CCSER2: variants seen among roughly 807,000 people sequenced by gnomAD.
CCSER2 encodes coiled-coil serine rich protein 2, also known as serine-rich coiled-coil domain-containing protein 2.
Under a neutral mutation model 92.3 loss-of-function variants are expected in CCSER2, and 46 were observed. That is an observed-to-expected ratio of 0.50 (90% CI 0.39 to 0.64). The LOEUF (loss-of-function observed/expected upper bound fraction) is 0.64. Ranked by LOEUF, CCSER2 falls within the 30% of genes least tolerant of loss-of-function variation. The pLI is 0.00. For missense variants in CCSER2, 1,244 were observed against 1,238.9 expected (o/e 1.00, Z -0.06); for synonymous variants, 433 against 431.4 (o/e 1.00, Z -0.04).
intron 3 of CCSER2, among the ~76,000 whole-genome samples, chr10:84,377,230 A>C (rs998142242): frequency 6.6e-6 from 1 of 152,092 alleles, no homozygotes; most frequent in Non-Finnish European, 1.5e-5. Flanking sequence ...TACCGTTACC[A>C]CTTTTTAAAA....
chr10:84,413,334 T>A (rs1398032306), intron 3 of CCSER2, among the ~76,000 whole-genome samples: 1 of 152,170 alleles, frequency 6.6e-6, no homozygotes, highest in Non-Finnish European at 1.5e-5. Context: ...ATCCCAGAGA[T>A]GGTGGTATGT....
intron 3 of CCSER2, among the ~76,000 whole-genome samples, chr10:84,394,210 A>G (rs1322636502): frequency 1.3e-5 from 2 of 152,204 alleles, no homozygotes; most frequent in African/African-American, 4.8e-5. Context: ...TTGAGCTTCT[A>G]CTATGCTCCA....
chr10:84,413,440 A>G (rs993913534), intron 3 of CCSER2, among the ~76,000 whole-genome samples: 1 of 152,158 alleles, frequency 6.6e-6, no homozygotes, highest in African/African-American at 2.4e-5. Flanking sequence ...TTCAGTTTCC[A>G]TGTAGTTGTG....
chr10:84,366,772 C>T (rs1845797476), intron 1 of CCSER2, among the ~76,000 whole-genome samples: 1 of 152,096 alleles, frequency 6.6e-6, no homozygotes, highest in East Asian at 1.9e-4. Context: ...TTTTGTTGTT[C>T]CTAGTCTCAC....
Position 84,372,327 on chromosome 10 carries a change from C to T in CCSER2, c.1275C>T (p.Asn425=), listed in dbSNP as rs200151214. Reference sequence around the variant, plus strand: ...ATTTTATAGATATAGAAGACTCCAACAGAACTAGAATAACTCCAGAGGAAA... The same window carrying T: ...ATTTTATAGATATAGAAGACTCCAATAGAACTAGAATAACTCCAGAGGAAA... The part of the protein sequence containing the change: ...SDDFIDIEDS[N]RTRITPEEMS... The change falls in exon 2 of 10, where the codon AAC becomes AAT. Residue 425 remains asparagine, a synonymous_variant. Coordinates refer to ENST00000372088, the MANE Select transcript of CCSER2 (RefSeq NM_001284240.2). 6.2e-7 allele frequency: 1 copy of T among 1,611,992 alleles called. No individual in the cohort carries two copies. Among genetic ancestry groups the T allele is most frequent in the East Asian group, 2.2e-5 (1 of 44,830 alleles).
At chr10:84,499,366 C>T (rs999656534) in intron 9 of CCSER2, among the ~76,000 whole-genome samples, 2 of 152,148 alleles carry the variant, frequency 1.3e-5, no homozygotes, top group Non-Finnish European at 2.9e-5. Context: ...CAACTCCTGA[C>T]CTCGTGATCC....
chr10:84,462,358 G>A (rs1042263780), intron 6 of CCSER2, among the ~76,000 whole-genome samples: 2 of 152,128 alleles, frequency 1.3e-5, no homozygotes, highest in Non-Finnish European at 2.9e-5. Flanking sequence ...TGCTTGTGTT[G>A]TCTCATATTC....
chr10:84,401,742 C>T (rs1842129080), intron 3 of CCSER2, among the ~76,000 whole-genome samples: 1 of 152,196 alleles, frequency 6.6e-6, no homozygotes, highest in East Asian at 1.9e-4. Context: ...GAAAAGGAAA[C>T]TGCAGTCCAA....
intron 4 of CCSER2, 38 bp from the exon 5 acceptor site, chr10:84,425,693 G>A (rs776178882): frequency 2.7e-6 from 4 of 1,478,588 alleles, no homozygotes; most frequent in Non-Finnish European, 3.7e-6. Flanking sequence ...TATGGAGTAT[G>A]TACATGTTTA....
intron 1 of CCSER2, among the ~76,000 whole-genome samples, chr10:84,346,221 C>T (rs1053854270): frequency 2.0e-5 from 3 of 152,212 alleles, no homozygotes; most frequent in East Asian, 1.9e-4. Context: ...TGCACCACCT[C>T]GCCTGGCTAA....
intron 6 of CCSER2, among the ~76,000 whole-genome samples, chr10:84,441,680 T>A (rs977195470): frequency 4.7e-5 from 7 of 150,262 alleles, no homozygotes. Flanking sequence ...GGTTGTAATT[T>A]ATCCAAAGAA....
At chr10:84,490,978 G>T (rs1366401323) in intron 9 of CCSER2, among the ~76,000 whole-genome samples, 1 of 152,226 alleles carries the variant, frequency 6.6e-6, no homozygotes, top group East Asian at 1.9e-4. Context: ...CTCAGCTGCA[G>T]GTCTGTTGGA....
chr10:84,353,537 A>C (rs748183736), intron 1 of CCSER2, among the ~76,000 whole-genome samples: 1 of 152,198 alleles, frequency 6.6e-6, no homozygotes, highest in Non-Finnish European at 1.5e-5. Context: ...ACGTTTAGTA[A>C]GACCGAGTCC....
At position 84,438,524 on chromosome 10, in the gene CCSER2, T is replaced by C. The variant is rs1413006175; in HGVS notation, c.1881T>C (p.Tyr627=). The C allele has an allele frequency of 1.2e-6, 2 of 1,605,294 alleles. No individual in the cohort carries two copies. The highest frequency in any genetic ancestry group is 1.7e-6 in the Non-Finnish European group (2 of 1,174,586). ...CCTGCCCTTCCAGAGGCTCTCCCTA[T>C]AGAGAATCTCCTTTGGGTCATTTTG... ...GKSDLSRGSP[Y]RESPLGHFES... is the part of the protein sequence containing the mutation. Residue 627 remains tyrosine (Y), a synonymous_variant, in exon 6 of 10, where the codon TAT becomes TAC. Transcript: ENST00000372088.
At chr10:84,335,815 G>A (rs1024655905) in intron 1 of CCSER2, among the ~76,000 whole-genome samples, 2 of 152,144 alleles carry the variant, frequency 1.3e-5, no homozygotes, top group East Asian at 1.9e-4. Context: ...CAGTGTTAGG[G>A]TTGGGAGTTA....
intron 9 of CCSER2, among the ~76,000 whole-genome samples, chr10:84,478,096 GA>G (rs1847259816): frequency 6.6e-6 from 1 of 152,098 alleles, no homozygotes; most frequent in African/African-American, 2.4e-5. Context: ...CTCAAATGTT[GA>G]GGGTGTTAGG....
intron 6 of CCSER2, among the ~76,000 whole-genome samples, chr10:84,457,337 ATATATTATATATAATATATATATT>A (rs1430813291): frequency 5.5e-4 from 23 of 41,518 alleles, no homozygotes; most frequent in South Asian, 2.1e-3. Flanking sequence ...ATAATATATT[ATATATTATATATAATATATATATT>A]TATTTTAAAT....
Position 84,371,612 on chromosome 10 carries a change from G to A in CCSER2, c.560G>A (p.Arg187Lys). 6.2e-7 allele frequency: 1 copy of A among 1,613,670 alleles called. No homozygotes were observed. The highest frequency in any genetic ancestry group is 8.5e-7 in the Non-Finnish European group (1 of 1,179,764). The change falls in exon 2 of 10, where the codon AGG becomes AAG. Residue 187 changes from arginine to lysine, a missense_variant. Coordinates refer to ENST00000372088, the MANE Select transcript of CCSER2 (RefSeq NM_001284240.2). The stretch of plus-strand genomic sequence containing the variant: ...AACCGATCAGCTGGTAGCATGCAAA[G>A]GCCTAGAGCGAACTCCTGTGCCACC... Reference protein sequence around the residue: ...YGNRSAGSMQRPRANSCATRS... With the variant: ...YGNRSAGSMQKPRANSCATRS...
intron 3 of CCSER2, among the ~76,000 whole-genome samples, chr10:84,387,412 A>G (rs1395905814): frequency 1.3e-5 from 2 of 152,160 alleles, no homozygotes; most frequent in Admixed American, 6.5e-5. Flanking sequence ...TTCCCGTTAG[A>G]ATTAATTACT....
Sources: gnomAD v4.1 joint callset for allele counts (sites outside exome capture counted in the v4.1 genomes callset) on GRCh38, gnomAD v4.1.1 for gene constraint, MANE v1.5 for transcripts, NCBI Gene and HGNC (gene_info 2026-07-23, HGNC 2026-07-21) for gene names.